RGCC: variants seen among roughly 807,000 people sequenced by gnomAD.
RGCC encodes regulator of cell cycle RGCC.
RGCC carries 15 observed loss-of-function variants against 15.4 expected under a neutral mutation model. The ratio of observed to expected loss-of-function variants is 0.97; its 90% CI spans 0.65 to 1.50. The LOEUF (loss-of-function observed/expected upper bound fraction) is 1.50, where lower values mean the gene tolerates loss of function less well. Ranked by LOEUF, RGCC falls within the 40% of genes most tolerant of loss-of-function variation. RGCC has a pLI of 0.00. For missense variants in RGCC, 176 were observed against 189.7 expected, an observed-to-expected ratio of 0.93 and a Z score of 0.42; for synonymous variants, 81 against 78.0, an observed-to-expected ratio of 1.04 and a Z score of -0.20.
chr13:41,469,283 T>TAAGAAG (rs1232529655), intron 4 of RGCC, among the ~76,000 whole-genome samples: 13 of 115,788 alleles, frequency 1.1e-4, no homozygotes, highest in African/African-American at 3.4e-4. Context: ...ATAATAATAA[T>TAAGAAG]AATAATAATA....
chr13:41,466,174 CTT>C (rs1197710958), intron 2 of RGCC, among the ~76,000 whole-genome samples: 1 of 117,350 alleles, frequency 8.5e-6, no homozygotes, highest in Non-Finnish European at 2.0e-5. Context: ...CTCTCACACA[CTT>C]TCTCACACAC....
chr13:41,459,687 T>C (rs996319072), intron 2 of RGCC, among the ~76,000 whole-genome samples: 7 of 152,258 alleles, frequency 4.6e-5, no homozygotes, highest in African/African-American at 1.2e-4. Flanking sequence ...CTTTTCCACT[T>C]AGAATTTTTG....
At position 41,458,266 on chromosome 13, in the gene RGCC, C is replaced by T. The variant is rs1003134865; in HGVS notation, c.50-19C>T. 1.9e-5 allele frequency: 29 copies of T among 1,551,362 alleles called. No individual in the cohort carries two copies. Among genetic ancestry groups the T allele is most frequent in the African/African-American group, 2.7e-5 (2 of 73,886 alleles). Reference sequence around the variant, plus strand: ...GCCCCCCTGACTTCCGTGCACTGAGCCCCTGGCCCTGCCCGCAGCCCCGGC... The same window carrying T: ...GCCCCCCTGACTTCCGTGCACTGAGTCCCTGGCCCTGCCCGCAGCCCCGGC... On this transcript the variant is annotated intron_variant, in intron 1 of 4. Transcript: ENST00000379359. The surrounding 1 kb of genome is among the most constrained non-coding windows in gnomAD (Gnocchi z 4.4).
At position 41,458,404 on chromosome 13, in the gene RGCC, C is replaced by A; in HGVS notation, c.169C>A (p.Leu57Met). ...HERHFHYEEH[L>M]ERMKRRSSAS... ...GCGCCACTTCCACTACGAGGAGCAC[C>A]TGGAGCGCATGAAGCGGCGCAGCAG... The change falls in exon 2 of 5, where the codon CTG becomes ATG. Residue 57 changes from leucine (L) to methionine (M), a missense_variant. Coordinates refer to ENST00000379359, the MANE Select transcript of RGCC (RefSeq NM_014059.3). This position sits in a 1 kb window ranked among gnomAD's most constrained non-coding sequence, Gnocchi z 4.4. 1 of 1,601,046 alleles carries A rather than the reference C, an allele frequency of 6.2e-7. No homozygotes were observed. The highest frequency in any genetic ancestry group is 8.5e-7 in the Non-Finnish European group (1 of 1,178,690).
chr13:41,470,478 G>A lies in RGCC; in HGVS notation c.407G>A (p.Ser136Asn), dbSNP rs1020009584. ...AACCTTACCTATCTCTCATTTACAG[G>A]TATGTGAAACAAGAAGTTCTGGGTC... ...FIADLDKTLA[S>N]M The change falls in exon 5 of 5, where the codon AGT becomes AAT. Residue 136 changes from serine to asparagine, a missense_variant and splice_region_variant. By Grantham distance (46) the Ser-to-Asn change is conservative (BLOSUM62 1). Transcript: ENST00000379359. 8 of 1,613,768 alleles carry A rather than the reference G, an allele frequency of 5.0e-6. No individual in the cohort carries two copies. Among genetic ancestry groups the A allele is most frequent in the Non-Finnish European group, 6.8e-6 (8 of 1,179,706 alleles).
intron 2 of RGCC, among the ~76,000 whole-genome samples, chr13:41,463,807 A>C (rs2043834242): frequency 6.6e-6 from 1 of 152,048 alleles, no homozygotes; most frequent in African/African-American, 2.4e-5. Context: ...GTCTTTCCTG[A>C]ATCTTTGCTG....
At chr13:41,467,245 C>T (rs2043853601) in intron 3 of RGCC, among the ~76,000 whole-genome samples, 1 of 152,214 alleles carries the variant, frequency 6.6e-6, no homozygotes, top group African/African-American at 2.4e-5. Context: ...TCTTAGGAGT[C>T]TCCTCCCAGA....
chr13:41,458,398 G>A lies in RGCC; in HGVS notation c.163G>A (p.Glu55Lys), dbSNP rs765339337. 9.4e-6 allele frequency: 15 copies of A among 1,600,360 alleles called. No individual in the cohort carries two copies. The South Asian group carries it at 1.3e-4, about 14-fold the overall frequency. The change falls in exon 2 of 5, where the codon GAG becomes AAG. Residue 55 changes from glutamate (E) to lysine (K), a missense_variant. By Grantham distance (56) the Glu-to-Lys change is moderately conservative. Transcript: ENST00000379359. The surrounding 1 kb of genome is among the most constrained non-coding windows in gnomAD (Gnocchi z 4.4). The part of the protein sequence containing the change: ...PFHERHFHYE[E>K]HLERMKRRSS... ...CCACGAGCGCCACTTCCACTACGAG[G>A]AGCACCTGGAGCGCATGAAGCGGCG...
chr13:41,469,680 C>A (rs2043866507), intron 4 of RGCC, among the ~76,000 whole-genome samples: 1 of 152,162 alleles, frequency 6.6e-6, no homozygotes. Context: ...ACCAGAGACC[C>A]ATGCCAGTGA....
intron 3 of RGCC, among the ~76,000 whole-genome samples, chr13:41,468,415 A>C (rs1201579407): frequency 6.6e-6 from 1 of 152,000 alleles, no homozygotes; most frequent in Non-Finnish European, 1.5e-5. Context: ...CCTGCTCCTC[A>C]CTCTCCTGCA....
At position 41,470,637 on chromosome 13, in the gene RGCC, A is replaced by G; in HGVS notation, c.*152A>G. ...CCACTCTCAGGCTCACCTTAAAATC[A>G]GCCCTTGATCCCATTTCTGGGCAAT... On this transcript the variant is annotated 3_prime_UTR_variant, in exon 5 of 5. Coordinates refer to ENST00000379359, the MANE Select transcript of RGCC (RefSeq NM_014059.3). 1 of 752,452 alleles carries G rather than the reference A, an allele frequency of 1.3e-6. No individual in the cohort carries two copies. The highest frequency in any genetic ancestry group is 2.3e-6 in the Non-Finnish European group (1 of 436,360). 46.6% of individuals were successfully genotyped at this position (752,452 alleles called of 1,614,324 possible).
Position 41,470,476 on chromosome 13 carries a change from AG to A in RGCC, c.407del. 1 of 1,613,744 alleles carries A rather than the reference AG, an allele frequency of 6.2e-7. No homozygotes were observed. Among genetic ancestry groups the A allele is most frequent in the Non-Finnish European group, 8.5e-7 (1 of 1,179,646 alleles). ...ATAACCTTACCTATCTCTCATTTAC[AG>A]GTATGTGAAACAAGAAGTTCTGGGT... On this transcript the variant is annotated splice_acceptor_variant, in intron 4 of 4. Coordinates refer to ENST00000379359, the MANE Select transcript of RGCC (RefSeq NM_014059.3). LOFTEE classifies it high-confidence loss of function.
intron 2 of RGCC, among the ~76,000 whole-genome samples, chr13:41,466,552 C>G (rs2043850434): frequency 6.6e-6 from 1 of 152,042 alleles, no homozygotes; most frequent in African/African-American, 2.4e-5. Context: ...CTATGCCTGG[C>G]TAATTTTTGT....
rs951948871 is a variant in RGCC at position 41,458,793 on chromosome 13, C to T, written c.235+323C>T. Among the ~76,000 whole-genome samples the T allele has an allele frequency of 2.0e-5, 3 of 152,126 alleles. No individual in the cohort carries two copies. The highest frequency in any genetic ancestry group is 2.9e-5 in the Non-Finnish European group (2 of 68,026). On this transcript the variant is annotated intron_variant, in intron 2 of 4. Coordinates refer to ENST00000379359, the MANE Select transcript of RGCC (RefSeq NM_014059.3). The surrounding 1 kb of genome is among the most constrained non-coding windows in gnomAD (Gnocchi z 4.4). ...CTCCTCTTCTCCTTTCCGTGCCTCTCCCCTCTCAGCTGTAACTTTGCAGAT... is the reference window on the plus strand; with the variant it reads ...CTCCTCTTCTCCTTTCCGTGCCTCTTCCCTCTCAGCTGTAACTTTGCAGAT...
chr13:41,467,010 C>A, intron 3 of RGCC, 80 bp downstream of exon 3: 1 of 880,338 alleles, frequency 1.1e-6, no homozygotes, highest in Non-Finnish European at 1.9e-6. Flanking sequence ...TCCCTTTTAT[C>A]CCTAAACAAT....
chr13:41,468,759 C>CCTCT lies in RGCC; in HGVS notation c.344-15_344-12dup. 1 of 1,546,574 alleles carries CCTCT rather than the reference C, an allele frequency of 6.5e-7. No homozygotes were observed. Among genetic ancestry groups the CCTCT allele is most frequent in the Non-Finnish European group, 8.9e-7 (1 of 1,127,600 alleles). The stretch of plus-strand genomic sequence containing the variant: ...TGAACTCTCTCTCTCTCTCTCTCTC[C>CCTCT]CTCTCCTGTTTCACAGCTAAATTAG... On this transcript the variant is annotated splice_polypyrimidine_tract_variant and intron_variant, in intron 3 of 4. Transcript: ENST00000379359.
intron 3 of RGCC, among the ~76,000 whole-genome samples, chr13:41,467,952 G>A (rs1378049705): frequency 2.0e-5 from 3 of 152,130 alleles, no homozygotes; most frequent in Non-Finnish European, 2.9e-5. Flanking sequence ...GCCATTTGTA[G>A]CCAGCAGGTG....
At chr13:41,466,157 G>A (rs529929089) in intron 2 of RGCC, among the ~76,000 whole-genome samples, 7 of 135,830 alleles carry the variant, frequency 5.2e-5, no homozygotes, top group Non-Finnish European at 7.8e-5. Context: ...ACTCACACAC[G>A]CACACACTCT....
At chr13:41,460,632 T>C (rs2043816655) in intron 2 of RGCC, among the ~76,000 whole-genome samples, 1 of 152,308 alleles carries the variant, frequency 6.6e-6, no homozygotes, top group African/African-American at 2.4e-5. Context: ...GCAGGGTCAG[T>C]AGAGCTTAGA....
Sources: allele counts gnomAD v4.1 joint callset (sites outside exome capture counted in the v4.1 genomes callset), GRCh38; gene constraint gnomAD v4.1.1; non-coding constraint Gnocchi (gnomAD v3.1); transcripts MANE v1.5; gene names NCBI Gene and HGNC (gene_info 2026-07-23, HGNC 2026-07-21).